The following CFAP54 variants were observed in gnomAD, a reference collection of about 807,000 sequenced individuals.
The protein encoded by CFAP54 is cilia- and flagella-associated protein 54.
CFAP54 carries 290 observed loss-of-function variants against 370.4 expected under a neutral mutation model. That is an observed-to-expected ratio of 0.78 (90% CI 0.71 to 0.86). The LOEUF is 0.86. Among genes scored for constraint, CFAP54 ranks in the 40% least tolerant of loss-of-function variants. The pLI is 0.00. For missense variants in CFAP54, 3,399 were observed against 3,528.7 expected (o/e 0.96, Z 0.93); for synonymous variants, 1,206 against 1,236.5 (o/e 0.98, Z 0.52).
intron 39 of CFAP54, among the ~76,000 whole-genome samples, chr12:96,664,697 CTA>C (rs377611594): frequency 0.11 from 8,520 of 75,458 alleles, 833 homozygotes; most frequent in South Asian, 0.33. Context: ...GGGTATATAT[CTA>C]TATATATATA....
At position 96,691,187 on chromosome 12, in the gene CFAP54, A is replaced by C; in HGVS notation, c.6141A>C (p.Glu2047Asp). ...CTGAACGTTGCTATGCTCAATATGAAATCACTCAGCTTCTCCCAGGCATTG... is the reference window on the plus strand; with the variant it reads ...CTGAACGTTGCTATGCTCAATATGACATCACTCAGCTTCTCCCAGGCATTG... ...PKAERCYAQY[E>D]ITQLLPGIEL... The change falls in exon 44 of 68, where the codon GAA (glutamate) becomes GAC (aspartate). Residue 2047 changes from glutamate to aspartate, a missense_variant. Physicochemically the swap from Glu to Asp is conservative, Grantham distance 45 (BLOSUM62 2). Coordinates refer to ENST00000524981, the MANE Select transcript of CFAP54 (RefSeq NM_001306084.2). 2 of 1,613,700 alleles carry C rather than the reference A, an allele frequency of 1.2e-6. No individual in the cohort carries two copies. Among genetic ancestry groups the C allele is most frequent in the Non-Finnish European group, 1.7e-6 (2 of 1,179,772 alleles).
chr12:96,604,033 C>T (rs751966108), intron 26 of CFAP54, among the ~76,000 whole-genome samples: 1 of 152,112 alleles, frequency 6.6e-6, no homozygotes, highest in Non-Finnish European at 1.5e-5. Flanking sequence ...GGAGAAGAGG[C>T]GTTCTGTTTT....
At position 96,644,292 on chromosome 12, in the gene CFAP54, G is replaced by A. The variant is rs1956766353; in HGVS notation, c.4431G>A (p.Glu1477=). 1 of 1,535,846 alleles carries A rather than the reference G, an allele frequency of 6.5e-7. No homozygotes were observed. The highest frequency in any genetic ancestry group is 8.7e-7 in the Non-Finnish European group (1 of 1,146,694). The change falls in exon 33 of 68, where the codon GAG becomes GAA. Residue 1477 remains glutamate (E), a synonymous_variant. Coordinates refer to ENST00000524981, the MANE Select transcript of CFAP54 (RefSeq NM_001306084.2). ...GGTTCCATCGTCTATCACTTGAAGA[G>A]ATGCCCTGGAGAGCTCAGATGAACC... ...RKRFHRLSLE[E]MPWRAQMNLY...
intron 64 of CFAP54, 22 bp from the exon 65 acceptor site, chr12:96,817,752 AC>A (rs1565989401): frequency 7.2e-7 from 1 of 1,392,580 alleles, no homozygotes; most frequent in Admixed American, 2.6e-5. Flanking sequence ...CAAATAAAAT[AC>A]ATATATATTT....
In CFAP54 at chr12:96,516,046, G is replaced by T. The variant is rs1035309977; in HGVS notation, c.799-2882G>T. ...TTCTTCTGCCTCAGCCTCCTGAGTA[G>T]CTGGGACTACAGGCACCCGCCCCAA... On this transcript the variant is annotated intron_variant, in intron 5 of 67. Coordinates refer to ENST00000524981, the MANE Select transcript of CFAP54 (RefSeq NM_001306084.2). Among the ~76,000 whole-genome samples, 9 of 151,312 alleles carry T rather than the reference G, an allele frequency of 5.9e-5. No homozygotes were observed. In the South Asian group the frequency reaches 1.9e-3, roughly 32 times the overall value.
chr12:96,518,453 G>A (rs1257999447), intron 5 of CFAP54, among the ~76,000 whole-genome samples: 4 of 152,162 alleles, frequency 2.6e-5, no homozygotes, highest in South Asian at 2.1e-4. Context: ...TTGGGAGGCC[G>A]AGGCGGGTGG....
chr12:96,515,816 C>T (rs1266500268), intron 5 of CFAP54, among the ~76,000 whole-genome samples: 2 of 151,842 alleles, frequency 1.3e-5, no homozygotes, highest in Admixed American at 1.3e-4. Flanking sequence ...TGAATGAATG[C>T]CTACCGTCAT....
At chr12:96,787,550 A>G (rs1214724193) in intron 62 of CFAP54, among the ~76,000 whole-genome samples, 3 of 152,240 alleles carry the variant, frequency 2.0e-5, no homozygotes, top group African/African-American at 7.2e-5. Context: ...AACTTCCAAA[A>G]TGAATGTGTT....
chr12:96,729,816 A>G (rs574730177), intron 50 of CFAP54, among the ~76,000 whole-genome samples: 140 of 152,170 alleles, frequency 9.2e-4, no homozygotes, highest in African/African-American at 3.2e-3. Flanking sequence ...AGCTGTTCCT[A>G]TTTGGCCATC....
intron 55 of CFAP54, among the ~76,000 whole-genome samples, chr12:96,744,479 T>C (rs776010641): frequency 3.3e-5 from 5 of 152,212 alleles, no homozygotes; most frequent in Non-Finnish European, 7.3e-5. Context: ...TGCAATTCAG[T>C]AACTTTACTG....
intron 26 of CFAP54, among the ~76,000 whole-genome samples, chr12:96,609,762 T>C (rs1221527093): frequency 6.6e-6 from 1 of 152,172 alleles, no homozygotes. Context: ...TTAAAAATAC[T>C]AGCAATAGTT....
At chr12:96,505,676 T>C (rs577399049) in intron 3 of CFAP54, among the ~76,000 whole-genome samples, 1 of 152,186 alleles carries the variant, frequency 6.6e-6, no homozygotes, top group South Asian at 2.1e-4. Flanking sequence ...CTAATTTTTG[T>C]ATTTTTAGTA....
At chr12:96,535,967 C>T (rs1955497907) in intron 12 of CFAP54, among the ~76,000 whole-genome samples, 1 of 152,070 alleles carries the variant, frequency 6.6e-6, no homozygotes, top group Non-Finnish European at 1.5e-5. Context: ...TTTAAAATGA[C>T]CTATAAGAGG....
chr12:96,503,344 T>G (rs1203516885), intron 2 of CFAP54, among the ~76,000 whole-genome samples: 1 of 143,642 alleles, frequency 7.0e-6, no homozygotes, highest in Non-Finnish European at 1.5e-5. Context: ...CCTTCCTTCC[T>G]TCCTGCCTTC....
intron 63 of CFAP54, among the ~76,000 whole-genome samples, chr12:96,804,703 C>T (rs1958859597): frequency 6.6e-6 from 1 of 151,702 alleles, no homozygotes; most frequent in Non-Finnish European, 1.5e-5. Context: ...AAGCAATCTA[C>T]AGGTTCAATA....
chr12:96,791,694 A>G (rs1437441917), intron 62 of CFAP54, among the ~76,000 whole-genome samples: 3 of 152,136 alleles, frequency 2.0e-5, no homozygotes, highest in East Asian at 3.8e-4. Flanking sequence ...TTCACCAGTG[A>G]AAAAAACAGA....
chr12:96,618,252 A>C (rs1461617314), intron 26 of CFAP54, among the ~76,000 whole-genome samples: 5 of 152,250 alleles, frequency 3.3e-5, no homozygotes, highest in African/African-American at 1.2e-4. Context: ...CTGCTAAAAC[A>C]ATCCAAAAAA....
intron 63 of CFAP54, among the ~76,000 whole-genome samples, chr12:96,807,632 G>C (rs1296152844): frequency 6.6e-6 from 1 of 152,182 alleles, no homozygotes; most frequent in Non-Finnish European, 1.5e-5. Flanking sequence ...CCACCCTGAA[G>C]TATAAAGGTG....
At chr12:96,793,513 C>T (rs1212078336) in intron 63 of CFAP54, among the ~76,000 whole-genome samples, 2 of 152,006 alleles carry the variant, frequency 1.3e-5, no homozygotes, top group African/African-American at 2.4e-5. Flanking sequence ...TATAAACGTT[C>T]GTGTGCAAGT....
Sources: gnomAD v4.1 joint callset for allele counts (sites outside exome capture counted in the v4.1 genomes callset) on GRCh38, gnomAD v4.1.1 for gene constraint, MANE v1.5 for transcripts, NCBI Gene and HGNC (gene_info 2026-07-23, HGNC 2026-07-21) for gene names.